The following EPB41L4B variants were observed in gnomAD, a reference collection of about 807,000 sequenced individuals.
EPB41L4B encodes the protein erythrocyte membrane protein band 4.1 like 4B.
Under a neutral mutation model 112.5 loss-of-function variants are expected in EPB41L4B, and 30 were observed. The observed-to-expected ratio is 0.27, with a 90% confidence interval of 0.20 to 0.36. EPB41L4B has a LOEUF of 0.36. Ranked by LOEUF, EPB41L4B falls within the 10% of genes least tolerant of loss-of-function variation. The pLI is 1.00. For missense variants in EPB41L4B, 1,024 were observed against 1,133.3 expected (o/e 0.90, Z 1.38); for synonymous variants, 408 against 439.7 (o/e 0.93, Z 0.90).
rs753943864 is a variant in EPB41L4B at position 109,217,163 on chromosome 9, G to T, written c.1410-18C>A. On this transcript the variant is annotated intron_variant, in intron 15 of 25. Coordinates refer to ENST00000374566, the MANE Select transcript of EPB41L4B (RefSeq NM_019114.5). ...GCGGGTAGCTGTGGAGGGTGACACA[G>T]TCAGGATTTAGAAAAGCAGAATGCC... 1 of 1,611,582 alleles carries T rather than the reference G, an allele frequency of 6.2e-7. No individual in the cohort carries two copies. Among genetic ancestry groups the T allele is most frequent in the South Asian group, 1.1e-5 (1 of 91,004 alleles).
intron 2 of EPB41L4B, among the ~76,000 whole-genome samples, chr9:109,273,703 G>C (rs866149103): frequency 1.3e-5 from 2 of 152,072 alleles, no homozygotes; most frequent in African/African-American, 4.8e-5. Context: ...GGGCACCTGA[G>C]CCTCAGTTTC....
intron 6 of EPB41L4B, among the ~76,000 whole-genome samples, chr9:109,261,808 A>C (rs559858177): frequency 3.8e-4 from 58 of 152,020 alleles, no homozygotes; most frequent in African/African-American, 1.4e-3. Context: ...CTAATTTTAT[A>C]ATTTGAAAAA....
chr9:109,224,035 AAAAATAAAAT>A (rs566032241), intron 15 of EPB41L4B, among the ~76,000 whole-genome samples: 6 of 151,438 alleles, frequency 4.0e-5, no homozygotes, highest in Admixed American at 2.6e-4. Context: ...AAAATAAAAT[AAAAATAAAAT>A]AAAATAAAAT....
chr9:109,192,954 G>A (rs1456682557), intron 21 of EPB41L4B, among the ~76,000 whole-genome samples: 2 of 152,132 alleles, frequency 1.3e-5, no homozygotes, highest in African/African-American at 2.4e-5. Flanking sequence ...GGCCTTTGGT[G>A]GGATGCCACT....
chr9:109,292,676 T>A (rs1434535466), intron 1 of EPB41L4B, among the ~76,000 whole-genome samples: 2 of 152,204 alleles, frequency 1.3e-5, no homozygotes, highest in African/African-American at 4.8e-5. Context: ...AGTATTATTC[T>A]TTTAAACTGT....
At chr9:109,272,471 G>A (rs557539888) in intron 2 of EPB41L4B, among the ~76,000 whole-genome samples, 1 of 149,782 alleles carries the variant, frequency 6.7e-6, no homozygotes, top group South Asian at 2.1e-4. Flanking sequence ...ATTAAAAATA[G>A]GCCAGGCGTG....
chr9:109,202,302 A>G (rs963523131), intron 19 of EPB41L4B, among the ~76,000 whole-genome samples: 5 of 152,190 alleles, frequency 3.3e-5, no homozygotes, highest in African/African-American at 1.2e-4. Context: ...CAGATTGGGA[A>G]TCATAAGGTG....
rs888199068 is a variant in EPB41L4B at position 109,268,887 on chromosome 9, A to C, written c.412-454T>G. On this transcript the variant is annotated intron_variant, in intron 2 of 25. Transcript: ENST00000374566. ...ACTCCAGCCTGGGCGACAGAGCGAA[A>C]CTCCGTCTCAAAAAAAAAAAAAAAA... Among the ~76,000 whole-genome samples, 4 of 100,046 alleles carry C rather than the reference A, an allele frequency of 4.0e-5. No homozygotes were observed. In the Admixed American group the frequency reaches 4.2e-4, roughly 10 times the overall value. The allele number at this position is 100,046 out of a possible 152,430, so 65.6% of individuals were successfully genotyped here.
intron 16 of EPB41L4B, among the ~76,000 whole-genome samples, chr9:109,215,339 G>A (rs551603755): frequency 8.5e-4 from 130 of 152,096 alleles, no homozygotes; most frequent in African/African-American, 3.1e-3. Context: ...GAGTGCGGTG[G>A]CACCATCTCG....
chr9:109,320,844 G>A lies in EPB41L4B; in HGVS notation c.-398C>T, dbSNP rs1450906342. Reference sequence around the variant, plus strand: ...GCGGGCTGCTCCCGCGCCGCGCGCCGGCCGAGGGCCAGCCGGAGCAGGGCG... The same window carrying A: ...GCGGGCTGCTCCCGCGCCGCGCGCCAGCCGAGGGCCAGCCGGAGCAGGGCG... On this transcript the variant is annotated 5_prime_UTR_variant, in exon 1 of 26. Transcript: ENST00000374566. 1 of 146,150 alleles carries A rather than the reference G, an allele frequency of 6.8e-6. No homozygotes were observed. Among genetic ancestry groups the A allele is most frequent in the Non-Finnish European group, 1.5e-5 (1 of 65,680 alleles). The allele number at this position is 146,150 out of a possible 1,614,324, so 9.1% of individuals were successfully genotyped here.
intron 19 of EPB41L4B, among the ~76,000 whole-genome samples, chr9:109,201,686 G>A (rs1450968752): frequency 2.6e-5 from 4 of 152,102 alleles, no homozygotes; most frequent in Non-Finnish European, 5.9e-5. Context: ...CAGATGGAGC[G>A]AAGACCACAA....
At position 109,258,077 on chromosome 9, in the gene EPB41L4B, C is replaced by T; in HGVS notation, c.752+100G>A. 4 of 1,336,538 alleles carry T rather than the reference C, an allele frequency of 3.0e-6. No individual in the cohort carries two copies. The East Asian group carries it at 7.0e-5, about 23-fold the overall frequency. 82.8% of individuals were successfully genotyped at this position (1,336,538 alleles called of 1,614,324 possible). A position where few individuals can be genotyped will look rare whatever the true frequency, so the allele number is the denominator to read the frequency against. On this transcript the variant is annotated intron_variant, in intron 7 of 25. Coordinates refer to ENST00000374566, the MANE Select transcript of EPB41L4B (RefSeq NM_019114.5). Reference sequence around the variant, plus strand: ...AGAGTTGGCGCTGCAGTTTTATGGCCATCAACAGAACAATTCTACTGGTAG... The same window carrying T: ...AGAGTTGGCGCTGCAGTTTTATGGCTATCAACAGAACAATTCTACTGGTAG...
At chr9:109,288,753 A>AAAAAAAAAC (rs1491056660) in intron 1 of EPB41L4B, among the ~76,000 whole-genome samples, 1 of 141,798 alleles carries the variant, frequency 7.1e-6, no homozygotes, top group Non-Finnish European at 1.5e-5. Context: ...AAAAAAAAAA[A>AAAAAAAAAC]AGCTGGGTGT....
Position 109,194,235 on chromosome 9 carries a change from C to T in EPB41L4B, c.2208G>A (p.Leu736=). 6.2e-7 allele frequency: 1 copy of T among 1,614,150 alleles called. No individual in the cohort carries two copies. Among genetic ancestry groups the T allele is most frequent in the South Asian group, 1.1e-5 (1 of 91,080 alleles). The change falls in exon 21 of 26, where the codon CTG becomes CTA. Residue 736 remains leucine, a synonymous_variant. Coordinates refer to ENST00000374566, the MANE Select transcript of EPB41L4B (RefSeq NM_019114.5). Reference sequence around the variant, plus strand: ...CCCCCAATACCTTGGCCCCAGGGGACAGCAGGCCTTTGCCTTCTGACTTGT... The same window carrying T: ...CCCCCAATACCTTGGCCCCAGGGGATAGCAGGCCTTTGCCTTCTGACTTGT... ...SPHKSEGKGL[L]SPGAKSPSDR...
At chr9:109,240,404 G>T (rs867832035) in intron 15 of EPB41L4B, 2 of 985,250 alleles carry the variant, frequency 2.0e-6, no homozygotes, top group Admixed American at 6.2e-5. Context: ...AAAAAGATCA[G>T]ATTTTAGTAA....
Position 109,258,285 on chromosome 9 carries a change from T to G in EPB41L4B, c.644A>C (p.Glu215Ala), listed in dbSNP as rs755823464. Reference protein sequence around the residue: ...AALCLQAELGECELPEHTPEL... With the variant: ...AALCLQAELGACELPEHTPEL... ...TGGTGTGTGTTCTGGAAGCTCGCACTCCCCAAGCTCCGCTGTAAGTTTCAT... is the reference window on the plus strand; with the variant it reads ...TGGTGTGTGTTCTGGAAGCTCGCACGCCCCAAGCTCCGCTGTAAGTTTCAT... The change falls in exon 7 of 26, where the codon GAG (glutamate) becomes GCG (alanine). Residue 215 changes from glutamate (E) to alanine (A), a missense_variant. Physicochemically the swap from Glu to Ala is moderately radical, Grantham distance 107 (BLOSUM62 -1). Coordinates refer to ENST00000374566, the MANE Select transcript of EPB41L4B (RefSeq NM_019114.5). 3 of 1,612,400 alleles carry G rather than the reference T, an allele frequency of 1.9e-6. No individual in the cohort carries two copies. In the East Asian group the frequency reaches 6.7e-5, roughly 36 times the overall value.
chr9:109,309,656 T>C (rs1475781296), intron 1 of EPB41L4B, among the ~76,000 whole-genome samples: 1 of 151,774 alleles, frequency 6.6e-6, no homozygotes, highest in Non-Finnish European at 1.5e-5. Context: ...TGCCAGCACT[T>C]TGGGAGGCTG....
At chr9:109,195,483 T>C (rs78925897) in intron 20 of EPB41L4B, among the ~76,000 whole-genome samples, 2,691 of 152,230 alleles carry the variant, frequency 0.018, 81 homozygotes, top group African/African-American at 0.063. Flanking sequence ...ATTGAATAAG[T>C]ACATGGAAAA....
chr9:109,283,475 G>T (rs1401176821), intron 1 of EPB41L4B, among the ~76,000 whole-genome samples: 1 of 152,174 alleles, frequency 6.6e-6, no homozygotes, highest in African/African-American at 2.4e-5. Context: ...CTGGAGAAAG[G>T]AGGCTGGAGG....
Sources: gnomAD v4.1 joint callset for allele counts (sites outside exome capture counted in the v4.1 genomes callset) on GRCh38, gnomAD v4.1.1 for gene constraint, MANE v1.5 for transcripts, NCBI Gene and HGNC (gene_info 2026-07-23, HGNC 2026-07-21) for gene names.